Variants in PTPRD observed in about 807,000 individuals in gnomAD.
The protein encoded by PTPRD is protein tyrosine phosphatase receptor type D, also known as receptor-type tyrosine-protein phosphatase delta.
PTPRD carries 34 observed loss-of-function variants against 214.5 expected under a neutral mutation model. The ratio of observed to expected loss-of-function variants is 0.16; its 90% CI spans 0.12 to 0.21. PTPRD has a LOEUF of 0.21. PTPRD is among the 10% of genes least tolerant of loss of function. The pLI, the probability that PTPRD is intolerant of heterozygous loss-of-function variation, is 1.00. For synonymous variants in PTPRD, 1,128 were observed against 845.7 expected (o/e 1.33, Z -5.79); for missense variants, 2,545 against 2,398.7 (o/e 1.06, Z -1.27).
At chr9:9,939,003 T>G (rs1017544995) in intron 4 of PTPRD, among the ~76,000 whole-genome samples, 3 of 132,568 alleles carry the variant, frequency 2.3e-5, no homozygotes, top group Non-Finnish European at 4.6e-5. Flanking sequence ...ATAATTCATT[T>G]TCTGAATTCC....
chr9:9,903,884 A>G (rs2076957873), intron 5 of PTPRD, among the ~76,000 whole-genome samples: 1 of 152,138 alleles, frequency 6.6e-6, no homozygotes, highest in African/African-American at 2.4e-5. Context: ...GACCATAACA[A>G]TAAACTCGGT....
Position 10,118,733 on chromosome 9 carries a change from G to A in PTPRD, c.-544-84943C>T, listed in dbSNP as rs201581048. Among the ~76,000 whole-genome samples, 15 of 151,590 alleles carry A rather than the reference G, an allele frequency of 9.9e-5. No homozygotes were observed. The East Asian group carries it at 1.7e-3, about 18-fold the overall frequency. ...ATTATTGGAAAAATGTGCCCTAATC[G>A]TTGGTATCTCAACACTACATTTTAA... is the stretch of plus-strand genomic sequence containing the variant. On this transcript the variant is annotated intron_variant, in intron 3 of 45. Coordinates refer to ENST00000381196, the MANE Select transcript of PTPRD (RefSeq NM_002839.4).
chr9:8,937,617 A>G (rs2099006406), intron 11 of PTPRD, among the ~76,000 whole-genome samples: 1 of 152,082 alleles, frequency 6.6e-6, no homozygotes, highest in Non-Finnish European at 1.5e-5. Context: ...TGCAGCTTGG[A>G]ATGTTTTTCT....
chr9:9,909,519 G>A (rs975984320), intron 5 of PTPRD, among the ~76,000 whole-genome samples: 2 of 151,696 alleles, frequency 1.3e-5, no homozygotes, highest in East Asian at 3.9e-4. Flanking sequence ...CATTCTAAAT[G>A]CATTATTGGT....
intron 10 of PTPRD, among the ~76,000 whole-genome samples, chr9:9,171,275 A>AT (rs1182852896): frequency 6.6e-6 from 1 of 151,784 alleles, no homozygotes; most frequent in Non-Finnish European, 1.5e-5. Context: ...AGATCAATTC[A>AT]TTTTCCCTGT....
intron 14 of PTPRD, among the ~76,000 whole-genome samples, chr9:8,572,845 G>A (rs117232063): frequency 0.014 from 2,121 of 151,666 alleles, 25 homozygotes; most frequent in Middle Eastern, 0.051. Context: ...TGATTATATT[G>A]GTTTGCATGA....
chr9:8,683,645 T>A (rs1448934791), intron 12 of PTPRD, among the ~76,000 whole-genome samples: 1 of 152,086 alleles, frequency 6.6e-6, no homozygotes, highest in African/African-American at 2.4e-5. Context: ...CGCCATAAGG[T>A]CTCCTTCCAC....
intron 6 of PTPRD, among the ~76,000 whole-genome samples, chr9:9,746,077 G>A (rs2098455041): frequency 6.6e-6 from 1 of 151,998 alleles, no homozygotes; most frequent in Non-Finnish European, 1.5e-5. Context: ...AAACCCAAGA[G>A]AAAATCTGCA....
chr9:8,343,753 T>G (rs1353547254), intron 39 of PTPRD, among the ~76,000 whole-genome samples: 2 of 151,944 alleles, frequency 1.3e-5, no homozygotes, highest in Non-Finnish European at 2.9e-5. Context: ...AAAAAAATAT[T>G]TGTGTGCCCT....
At chr9:8,951,320 CTTT>C (rs35028756) in intron 11 of PTPRD, among the ~76,000 whole-genome samples, 4 of 128,362 alleles carry the variant, frequency 3.1e-5, no homozygotes, top group Non-Finnish European at 4.9e-5. Context: ...CTGGATCCTC[CTTT>C]TTTTTTTTTT....
At chr9:9,641,336 A>G (rs757658174) in intron 7 of PTPRD, among the ~76,000 whole-genome samples, 2 of 152,222 alleles carry the variant, frequency 1.3e-5, no homozygotes, top group Admixed American at 6.5e-5. Flanking sequence ...TGTCTAAGTG[A>G]CAGGATAGGC....
At chr9:8,414,119 C>G (rs193122319) in intron 35 of PTPRD, among the ~76,000 whole-genome samples, 2 of 152,152 alleles carry the variant, frequency 1.3e-5, no homozygotes, top group East Asian at 3.9e-4. Flanking sequence ...ACCCTAGTAC[C>G]TTAGAACTAG....
intron 7 of PTPRD, among the ~76,000 whole-genome samples, chr9:9,607,005 A>AAAAAAAAAAAAAAAAAT (rs1187365479): frequency 8.4e-6 from 1 of 119,604 alleles, no homozygotes. Flanking sequence ...AAAAAAAAAA[A>AAAAAAAAAAAAAAAAAT]GTGTTTCTGC....
At chr9:8,631,617 T>C (rs1231710720) in intron 14 of PTPRD, among the ~76,000 whole-genome samples, 2 of 151,872 alleles carry the variant, frequency 1.3e-5, no homozygotes, top group Non-Finnish European at 2.9e-5. Context: ...ACAGTAGGAA[T>C]AGTGCTGGAA....
In PTPRD at chr9:8,471,097, T is replaced by C. The variant is rs2134956047; in HGVS notation, c.3414-12A>G. On this transcript the variant is annotated splice_polypyrimidine_tract_variant and intron_variant, in intron 30 of 45. Coordinates refer to ENST00000381196, the MANE Select transcript of PTPRD (RefSeq NM_002839.4). The stretch of plus-strand genomic sequence containing the variant: ...TTATGTAGTAACCTCTGCACAAGAA[T>C]GAATAGATAAAAGTTAGGTTAGTTG... 1.2e-6 allele frequency: 2 copies of C among 1,608,954 alleles called. No homozygotes were observed. Among genetic ancestry groups the C allele is most frequent in the Non-Finnish European group, 1.7e-6 (2 of 1,175,576 alleles).
intron 2 of PTPRD, among the ~76,000 whole-genome samples, chr9:10,598,524 T>G (rs2133239984): frequency 6.6e-6 from 1 of 151,916 alleles, no homozygotes; most frequent in African/African-American, 2.4e-5. Flanking sequence ...CATTCCTTAT[T>G]GCACAGAAAG....
intron 4 of PTPRD, among the ~76,000 whole-genome samples, chr9:10,016,994 T>C (rs1172837549): frequency 6.6e-6 from 1 of 152,122 alleles, no homozygotes; most frequent in Non-Finnish European, 1.5e-5. Flanking sequence ...TTCTTTAGGA[T>C]AGTAATGAGA....
rs1822828553 is a variant in PTPRD, at chr9:8,317,552, G to A, written c.*322C>T. ...GGCAATTTCTCCTTGCACCTTTCAA[G>A]CAATCCTGAATAAGATGGTGGTTCT... On this transcript the variant is annotated 3_prime_UTR_variant, in exon 46 of 46. Coordinates refer to ENST00000381196, the MANE Select transcript of PTPRD (RefSeq NM_002839.4). 3.4e-6 allele frequency: 1 copy of A among 297,550 alleles called. No individual in the cohort carries two copies. The highest frequency in any genetic ancestry group is 4.4e-5 in the Admixed American group (1 of 22,656). The allele number at this position is 297,550 out of a possible 1,614,324, so 18.4% of individuals were successfully genotyped here.
intron 8 of PTPRD, among the ~76,000 whole-genome samples, chr9:9,544,685 T>C (rs2078366667): frequency 6.6e-6 from 1 of 151,770 alleles, no homozygotes; most frequent in South Asian, 2.1e-4. Flanking sequence ...GCCATTTTTC[T>C]AGGCTCACAA....
Sources: allele counts gnomAD v4.1 joint callset (sites outside exome capture counted in the v4.1 genomes callset), GRCh38; gene constraint gnomAD v4.1.1; transcripts MANE v1.5; gene names NCBI Gene and HGNC (gene_info 2026-07-23, HGNC 2026-07-21).